The following TRAP1 variants were observed in gnomAD, a reference collection of about 807,000 sequenced individuals.
TRAP1 encodes the protein heat shock protein 75 kDa, mitochondrial.
TRAP1 carries 102 observed loss-of-function variants against 89.1 expected under a neutral mutation model. The observed-to-expected ratio is 1.15, with a 90% CI of 0.98 to 1.35. The LOEUF (loss-of-function observed/expected upper bound fraction) is 1.35, where lower values mean the gene tolerates loss of function less well. Ranked by LOEUF, TRAP1 falls within the 40% of genes most tolerant of loss-of-function variation. The probability of loss-of-function intolerance (pLI) is 0.00; values close to 1 mark genes in which losing one functional copy is unlikely to be tolerated. For synonymous variants in TRAP1, 508 were observed against 388.0 expected, an observed-to-expected ratio of 1.31 and a Z score of -3.64; for missense variants, 1,256 against 945.3, an observed-to-expected ratio of 1.33 and a Z score of -4.31.
intron 16 of TRAP1, chr16:3,661,508 C>T (rs1452694395): frequency 1.3e-5 from 2 of 152,822 alleles, no homozygotes; most frequent in African/African-American, 4.8e-5. Flanking sequence ...TGACCAAGAA[C>T]CACCGGAGGC....
chr16:3,664,603 G>A, intron 12 of TRAP1, 144 bp from the exon 13 acceptor site: 1 of 848,286 alleles, frequency 1.2e-6, no homozygotes, highest in Admixed American at 3.1e-5. Context: ...TGGACTCGGG[G>A]GTTGTCCGAG....
intron 11 of TRAP1, among the ~76,000 whole-genome samples, chr16:3,669,266 C>CT (rs1220442795): frequency 1.3e-5 from 2 of 152,198 alleles, no homozygotes; most frequent in African/African-American, 2.4e-5. Context: ...GAGCACGACT[C>CT]TAACGACCAC....
intron 13 of TRAP1, 84 bp downstream of exon 13, chr16:3,664,190 G>A: frequency 1.4e-6 from 2 of 1,397,080 alleles, no homozygotes; most frequent in Non-Finnish European, 1.9e-6. Flanking sequence ...GTCTTGGGCA[G>A]GTTCACCCAG....
chr16:3,688,213 C>G (rs924016945), intron 3 of TRAP1, among the ~76,000 whole-genome samples: 2 of 152,020 alleles, frequency 1.3e-5, no homozygotes, highest in Non-Finnish European at 2.9e-5. Context: ...GTTGCCTAGG[C>G]TGGTCTCAGA....
At chr16:3,709,139 T>G (rs2051491596) in intron 1 of TRAP1, among the ~76,000 whole-genome samples, 1 of 147,202 alleles carries the variant, frequency 6.8e-6, no homozygotes, top group South Asian at 2.1e-4. Context: ...TTTTTAAAAG[T>G]TATTTAAAAG....
chr16:3,676,514 A>T (rs2050997782), intron 6 of TRAP1: 1 of 170,468 alleles, frequency 5.9e-6, no homozygotes, highest in Non-Finnish European at 1.2e-5. Context: ...AACAAAGGCC[A>T]GGGGGACAGG....
At chr16:3,676,580 C>T (rs998990705) in intron 6 of TRAP1, 14 of 155,514 alleles carry the variant, frequency 9.0e-5, no homozygotes, top group East Asian at 1.9e-4. Context: ...GGGAATCCCC[C>T]GGCAGGGCCA....
rs543118384 is a variant in TRAP1, at chr16:3,702,708, G to C, written c.89-11723C>G. On this transcript the variant is annotated intron_variant, in intron 1 of 17. Coordinates refer to ENST00000246957, the MANE Select transcript of TRAP1 (RefSeq NM_016292.3). ...TGCAGTGAGCCGAGATCACACCACT[G>C]CACTCTAGCCTGGGTGACAAAGTGA... 3.3e-5 allele frequency among the ~76,000 whole-genome samples: 5 copies of C among 151,580 alleles called. No homozygotes were observed. In the East Asian group the frequency reaches 7.8e-4, roughly 24 times the overall value.
chr16:3,673,789 G>A (rs564284636), intron 9 of TRAP1, among the ~76,000 whole-genome samples: 1 of 152,210 alleles, frequency 6.6e-6, no homozygotes, highest in Non-Finnish European at 1.5e-5. Context: ...CCTTACGGCA[G>A]GATTTGCGGG....
At chr16:3,695,536 GAAAAAAA>G (rs567047394) in intron 1 of TRAP1, among the ~76,000 whole-genome samples, 1 of 74,710 alleles carries the variant, frequency 1.3e-5, no homozygotes, top group Non-Finnish European at 2.8e-5. Flanking sequence ...ACTCTGTCTC[GAAAAAAA>G]AAAAAAAAGA....
intron 1 of TRAP1, among the ~76,000 whole-genome samples, chr16:3,713,305 C>T (rs548933461): frequency 6.6e-6 from 1 of 152,178 alleles, no homozygotes; most frequent in Non-Finnish European, 1.5e-5. Flanking sequence ...AAACGAAGTA[C>T]TGAAGGGGAG....
At chr16:3,659,933 A>AGAGAT (rs1213994987) in intron 16 of TRAP1, 3 of 152,102 alleles carry the variant, frequency 2.0e-5, no homozygotes, top group African/African-American at 4.8e-5. Context: ...TATTTTTAGT[A>AGAGAT]GAGATGAGGT....
rs2050958124 is a variant in TRAP1, at chr16:3,674,393, G to C, written c.990C>G (p.His330Gln). Residue 330 changes from histidine (H) to glutamine (Q), a missense_variant, in exon 9 of 18, where the codon CAC becomes CAG. Physicochemically the swap from His to Gln is conservative, Grantham distance 24. Coordinates refer to ENST00000246957, the MANE Select transcript of TRAP1 (RefSeq NM_016292.3). ...TGTTGAGCGGTGCGTCCGTCTTATAGTGCAGGGTGTAGCGGGGCTTGTCGT... is the reference window on the plus strand; with the variant it reads ...TGTTGAGCGGTGCGTCCGTCTTATACTGCAGGGTGTAGCGGGGCTTGTCGT... Reference protein sequence around the residue: ...QAHDKPRYTLHYKTDAPLNIR... With the variant: ...QAHDKPRYTLQYKTDAPLNIR... 1 of 1,614,154 alleles carries C rather than the reference G, an allele frequency of 6.2e-7. No homozygotes were observed. Among genetic ancestry groups the C allele is most frequent in the Non-Finnish European group, 8.5e-7 (1 of 1,180,040 alleles).
intron 5 of TRAP1, 123 bp downstream of exon 5, chr16:3,679,596 A>T: frequency 1.1e-6 from 1 of 933,752 alleles, no homozygotes; most frequent in Non-Finnish European, 1.7e-6. Context: ...TTCCCACAGT[A>T]CCCACTGCGT....
At chr16:3,670,153 C>A (rs1462964069) in intron 11 of TRAP1, among the ~76,000 whole-genome samples, 6 of 151,812 alleles carry the variant, frequency 4.0e-5, no homozygotes, top group African/African-American at 1.5e-4. Context: ...GAGGCCAAGG[C>A]AGGCGGATCA....
chr16:3,686,498 A>G (rs948337203), intron 3 of TRAP1, among the ~76,000 whole-genome samples: 1 of 152,124 alleles, frequency 6.6e-6, no homozygotes, highest in Non-Finnish European at 1.5e-5. Flanking sequence ...TAAAATTTTT[A>G]TAGACACAGG....
At chr16:3,712,906 G>T (rs776332041) in intron 1 of TRAP1, among the ~76,000 whole-genome samples, 1 of 152,132 alleles carries the variant, frequency 6.6e-6, no homozygotes, top group Non-Finnish European at 1.5e-5. Context: ...GAGAGCCACC[G>T]CGCCCGGCCT....
intron 16 of TRAP1, chr16:3,660,727 A>G (rs760927218): frequency 9.2e-5 from 14 of 152,156 alleles, no homozygotes; most frequent in Non-Finnish European, 1.6e-4. Flanking sequence ...ATGGTTGTAA[A>G]ATGACAAAAG....
Position 3,677,610 on chromosome 16 carries a change from T to C in TRAP1, c.592A>G (p.Ile198Val). ...QNQAEASSKI[I>V]GQFGVGFYSA... ...TAGAAACCCACTCCAAACTGGCCGA[T>C]GATCTTGCTGCTGGCCTCAGCCTGG... The change falls in exon 6 of 18, where the codon ATC (isoleucine) becomes GTC (valine). Residue 198 changes from isoleucine to valine, a missense_variant. Transcript: ENST00000246957. 1.2e-6 allele frequency: 2 copies of C among 1,614,096 alleles called. No individual in the cohort carries two copies. The highest frequency in any genetic ancestry group is 8.5e-7 in the Non-Finnish European group (1 of 1,180,030).
Sources: allele counts gnomAD v4.1 joint callset (sites outside exome capture counted in the v4.1 genomes callset), GRCh38; gene constraint gnomAD v4.1.1; transcripts MANE v1.5; gene names NCBI Gene and HGNC (gene_info 2026-07-23, HGNC 2026-07-21).